The following PCSK5 variants were observed in gnomAD, a reference collection of about 807,000 sequenced individuals.
PCSK5 encodes proprotein convertase subtilisin/kexin type 5.
In PCSK5, 129 loss-of-function variants were observed where a neutral mutation model predicts 233.2. The observed-to-expected ratio is 0.55, with a 90% CI of 0.48 to 0.64. The LOEUF (loss-of-function observed/expected upper bound fraction) is 0.64, where lower values mean the gene tolerates loss of function less well. Among genes scored for constraint, PCSK5 ranks in the 30% least tolerant of loss-of-function variants. The pLI is 0.00. For missense variants in PCSK5, 2,076 were observed against 2,430.1 expected (o/e 0.85, Z 3.06); for synonymous variants, 825 against 879.2 (o/e 0.94, Z 1.09).
At chr9:76,278,534 T>C (rs1041471527) in intron 24 of PCSK5, among the ~76,000 whole-genome samples, 1 of 152,168 alleles carries the variant, frequency 6.6e-6, no homozygotes, top group Admixed American at 6.5e-5. Context: ...AGCTTTTTTT[T>C]TTCCTTAATA....
chr9:76,158,216 G>A (rs4744782), intron 11 of PCSK5, among the ~76,000 whole-genome samples: 115,716 of 152,140 alleles, frequency 0.76, 44,507 homozygotes, highest in East Asian at 1. Context: ...TAAAAAATGT[G>A]AAAAATAAGA....
intron 27 of PCSK5, among the ~76,000 whole-genome samples, chr9:76,299,432 G>A (rs1053741598): frequency 6.6e-6 from 1 of 152,178 alleles, no homozygotes; most frequent in African/African-American, 2.4e-5. Context: ...ACTTTGGGAG[G>A]CCGAGGCGGG....
At position 76,081,189 on chromosome 9, in the gene PCSK5, C is replaced by T. The variant is rs576910575; in HGVS notation, c.894+9291C>T. 3.9e-5 allele frequency among the ~76,000 whole-genome samples: 6 copies of T among 152,278 alleles called. No homozygotes were observed. The South Asian group carries it at 8.3e-4, about 21-fold the overall frequency. ...CATATTAAGGCTGGGTGTGGTGGCT[C>T]TCGCCTGTAATCCCAGCACTTTGGG... is the stretch of plus-strand genomic sequence containing the variant. On this transcript the variant is annotated intron_variant, in intron 7 of 37. Coordinates refer to ENST00000674117, the MANE Select transcript of PCSK5 (RefSeq NM_001372043.1).
intron 9 of PCSK5, among the ~76,000 whole-genome samples, chr9:76,121,649 A>G (rs1018984315): frequency 1.3e-5 from 2 of 152,170 alleles, no homozygotes. Context: ...GTATCAGATG[A>G]TGTTAAATTC....
intron 7 of PCSK5, among the ~76,000 whole-genome samples, chr9:76,090,498 A>T (rs1030279030): frequency 2.0e-5 from 3 of 152,164 alleles, no homozygotes; most frequent in Non-Finnish European, 4.4e-5. Context: ...CCATACTCGC[A>T]GGAATAAAGG....
At chr9:75,922,990 C>T (rs1363313675) in intron 1 of PCSK5, among the ~76,000 whole-genome samples, 1 of 152,120 alleles carries the variant, frequency 6.6e-6, no homozygotes, top group Non-Finnish European at 1.5e-5. Context: ...TTAGAATAAA[C>T]TAATGAGGCC....
At chr9:76,187,158 A>AT (rs1308366530) in intron 17 of PCSK5, among the ~76,000 whole-genome samples, 1 of 152,116 alleles carries the variant, frequency 6.6e-6, no homozygotes, top group African/African-American at 2.4e-5. Context: ...ATAAATTTTA[A>AT]TTTTTTAAAT....
intron 5 of PCSK5, among the ~76,000 whole-genome samples, chr9:76,055,775 A>G (rs1829799192): frequency 6.6e-6 from 1 of 152,196 alleles, no homozygotes; most frequent in African/African-American, 2.4e-5. Context: ...AGGAGCTAGG[A>G]TACCCTGGTC....
intron 24 of PCSK5, among the ~76,000 whole-genome samples, chr9:76,257,304 A>G (rs1420023080): frequency 6.6e-6 from 1 of 152,198 alleles, no homozygotes; most frequent in East Asian, 1.9e-4. Flanking sequence ...TGAGGAGAAA[A>G]AAAAAATTGA....
chr9:75,950,983 AGATTTGTAG>A (rs1824829677), intron 2 of PCSK5, among the ~76,000 whole-genome samples: 1 of 152,198 alleles, frequency 6.6e-6, no homozygotes, highest in Admixed American at 6.6e-5. Context: ...AACCATTGAA[AGATTTGTAG>A]ATTTGGGAAA....
rs544503818 is a variant in PCSK5, at chr9:76,339,168, A to C, written c.4966+721A>C. Among the ~76,000 whole-genome samples the C allele has an allele frequency of 2.6e-5, 4 of 151,754 alleles. No homozygotes were observed. The East Asian group carries it at 7.7e-4, about 29-fold the overall frequency. On this transcript the variant is annotated intron_variant, in intron 35 of 37. Transcript: ENST00000674117. ...GATTGCCTTAAAATTCAAATTTCTC[A>C]TTTTTCTCTACATCTTGCCATAAAT...
chr9:75,945,836 T>TTG (rs1824541940), intron 2 of PCSK5, among the ~76,000 whole-genome samples: 1 of 152,204 alleles, frequency 6.6e-6, no homozygotes, highest in Non-Finnish European at 1.5e-5. Flanking sequence ...ATGGATGCCT[T>TTG]CTCAGCCTTC....
chr9:75,956,908 C>G (rs1382537024), intron 2 of PCSK5, among the ~76,000 whole-genome samples: 1 of 151,938 alleles, frequency 6.6e-6, no homozygotes, highest in East Asian at 1.9e-4. Flanking sequence ...TTGTGAAAGA[C>G]CAATACTAGC....
chr9:76,010,026 A>G (rs1827664148), intron 3 of PCSK5, among the ~76,000 whole-genome samples: 1 of 152,192 alleles, frequency 6.6e-6, no homozygotes, highest in African/African-American at 2.4e-5. Context: ...AATAACAACT[A>G]CCGATGAAGT....
chr9:75,943,369 C>A (rs1824408943), intron 2 of PCSK5, among the ~76,000 whole-genome samples: 1 of 151,790 alleles, frequency 6.6e-6, no homozygotes, highest in African/African-American at 2.4e-5. Context: ...AAACAGCAAA[C>A]AAACAAACAA....
chr9:76,225,015 TG>T (rs1407235269), intron 20 of PCSK5, among the ~76,000 whole-genome samples: 1 of 152,210 alleles, frequency 6.6e-6, no homozygotes, highest in African/African-American at 2.4e-5. Flanking sequence ...TGACACATCA[TG>T]GAAATGAGGA....
intron 2 of PCSK5, among the ~76,000 whole-genome samples, chr9:75,976,251 T>C (rs1346335532): frequency 6.6e-6 from 1 of 150,434 alleles, no homozygotes; most frequent in East Asian, 2.0e-4. Context: ...CCCTACTTCA[T>C]GTTGGGTGCA....
intron 1 of PCSK5, among the ~76,000 whole-genome samples, chr9:75,913,718 C>T (rs76171178): frequency 0.018 from 2,737 of 152,310 alleles, 38 homozygotes; most frequent in South Asian, 0.035. Flanking sequence ...ATTGTGCATT[C>T]CAGAACTATC....
chr9:76,097,427 T>A (rs1831582685), intron 8 of PCSK5, among the ~76,000 whole-genome samples: 1 of 145,140 alleles, frequency 6.9e-6, no homozygotes, highest in African/African-American at 2.8e-5. Context: ...GCCCGGCTAA[T>A]TTTTTTTGTA....
Sources: gnomAD v4.1 joint callset for allele counts (sites outside exome capture counted in the v4.1 genomes callset) on GRCh38, gnomAD v4.1.1 for gene constraint, MANE v1.5 for transcripts, NCBI Gene and HGNC (gene_info 2026-07-23, HGNC 2026-07-21) for gene names.